THEMIS: variants seen among roughly 807,000 people sequenced by gnomAD.
The protein encoded by THEMIS is protein THEMIS.
A neutral mutation model predicts 52.6 loss-of-function variants in THEMIS; 37 were observed. The ratio of observed to expected loss-of-function variants is 0.70; its 90% confidence interval spans 0.54 to 0.93. The LOEUF is 0.93. Ranked by LOEUF, THEMIS falls within the 40% of genes least tolerant of loss-of-function variation. The pLI is 0.00. For synonymous variants in THEMIS, 292 were observed against 272.7 expected, an observed-to-expected ratio of 1.07 and a Z score of -0.70; for missense variants, 808 against 763.1, an observed-to-expected ratio of 1.06 and a Z score of -0.69.
At chr6:127,787,967 CAG>C (rs1446351589) in intron 4 of THEMIS, among the ~76,000 whole-genome samples, 1 of 151,774 alleles carries the variant, frequency 6.6e-6, no homozygotes, top group African/African-American at 2.4e-5. Context: ...GATTAGAAAA[CAG>C]ATAGTTGAAT....
intron 1 of THEMIS, among the ~76,000 whole-genome samples, chr6:127,876,661 G>A (rs1780322092): frequency 6.6e-6 from 1 of 152,132 alleles, no homozygotes; most frequent in Non-Finnish European, 1.5e-5. Flanking sequence ...AGCAGGTAAA[G>A]GAAAGTCAGG....
chr6:127,896,302 G>A (rs754456677), intron 1 of THEMIS, among the ~76,000 whole-genome samples: 29 of 150,016 alleles, frequency 1.9e-4, no homozygotes, highest in Non-Finnish European at 3.7e-4. Context: ...CAATGCAAAT[G>A]TACACATAAC....
chr6:127,703,148 C>A (rs1483779215), downstream of THEMIS, among the ~76,000 whole-genome samples: 1 of 145,114 alleles, frequency 6.9e-6, no homozygotes. Flanking sequence ...CCCGGGTTCA[C>A]GCCATTCTCC....
intron 4 of THEMIS, among the ~76,000 whole-genome samples, chr6:127,749,659 T>A (rs1267467672): frequency 4.6e-5 from 7 of 151,684 alleles, no homozygotes; most frequent in African/African-American, 1.7e-4. Flanking sequence ...AAGACCCCAA[T>A]TAAATAATCT....
chr6:127,832,332 A>C (rs1361876463), intron 2 of THEMIS, among the ~76,000 whole-genome samples: 1 of 152,218 alleles, frequency 6.6e-6, no homozygotes, highest in Non-Finnish European at 1.5e-5. Flanking sequence ...AAGATGATGA[A>C]GTACACAGTT....
chr6:127,877,095 A>T (rs1423361575), intron 1 of THEMIS, among the ~76,000 whole-genome samples: 5 of 152,318 alleles, frequency 3.3e-5, no homozygotes, highest in Admixed American at 3.3e-4. Context: ...ATGTGTTGCT[A>T]AAAACTGCTA....
At chr6:127,831,265 G>A (rs1427297910) in intron 2 of THEMIS, among the ~76,000 whole-genome samples, 1 of 151,982 alleles carries the variant, frequency 6.6e-6, no homozygotes, top group Non-Finnish European at 1.5e-5. Context: ...ATGTCTAAGT[G>A]GTTCTGTTTG....
intron 2 of THEMIS, among the ~76,000 whole-genome samples, chr6:127,850,651 CAT>C (rs1256489588): frequency 6.6e-6 from 1 of 151,704 alleles, no homozygotes; most frequent in South Asian, 2.1e-4. Flanking sequence ...AACAAAATAT[CAT>C]ATTTTCTCAC....
intron 4 of THEMIS, among the ~76,000 whole-genome samples, chr6:127,800,305 C>T (rs1402061582): frequency 6.6e-6 from 1 of 151,248 alleles, no homozygotes; most frequent in Non-Finnish European, 1.5e-5. Flanking sequence ...TGGACTTCCT[C>T]AGAAAAAAAA....
At chr6:127,716,057 C>G (rs1235163409) in intron 5 of THEMIS, among the ~76,000 whole-genome samples, 2 of 151,778 alleles carry the variant, frequency 1.3e-5, no homozygotes, top group Non-Finnish European at 2.9e-5. Context: ...AGCAGTGACA[C>G]AGATTTAGTG....
At chr6:127,865,999 A>G (rs1339338225) in intron 1 of THEMIS, among the ~76,000 whole-genome samples, 1 of 152,124 alleles carries the variant, frequency 6.6e-6, no homozygotes, top group African/African-American at 2.4e-5. Context: ...TTTGTAACAG[A>G]ATGGAATCCT....
intron 1 of THEMIS, among the ~76,000 whole-genome samples, chr6:127,892,196 T>C (rs1780833407): frequency 6.6e-6 from 1 of 152,162 alleles, no homozygotes; most frequent in South Asian, 2.1e-4. Context: ...CCCAATTCCT[T>C]GCCTTCAGCA....
intron 1 of THEMIS, among the ~76,000 whole-genome samples, chr6:127,865,976 A>G (rs1287471632): frequency 6.6e-6 from 1 of 152,096 alleles, no homozygotes; most frequent in Admixed American, 6.6e-5. Flanking sequence ...GTTCTTTTCA[A>G]TAAGGTTAAT....
the THEMIS span, among the ~76,000 whole-genome samples, chr6:127,700,378 A>AC: frequency 2.6e-5 from 4 of 151,898 alleles, no homozygotes; most frequent in African/African-American, 9.7e-5. Flanking sequence ...ACAAAAACAA[A>AC]AAAAAAATTA....
At chr6:127,856,887 G>A (rs962051196) in intron 1 of THEMIS, among the ~76,000 whole-genome samples, 5 of 151,786 alleles carry the variant, frequency 3.3e-5, no homozygotes, top group African/African-American at 1.2e-4. Flanking sequence ...TCCTCATTTG[G>A]CAATTAATCA....
At chr6:127,911,529 T>C (rs1193346158) in intron 1 of THEMIS, among the ~76,000 whole-genome samples, 1 of 151,334 alleles carries the variant, frequency 6.6e-6, no homozygotes, top group Non-Finnish European at 1.5e-5. Flanking sequence ...TTGTTTCAGC[T>C]TTGATCACTG....
chr6:127,851,150 G>T (rs763562528), intron 2 of THEMIS, among the ~76,000 whole-genome samples: 1 of 151,272 alleles, frequency 6.6e-6, no homozygotes. Context: ...AAACACCTAT[G>T]GGTCACCTTA....
chr6:127,908,466 G>A lies in THEMIS; in HGVS notation c.-149-7385C>T, dbSNP rs187228367. Among the ~76,000 whole-genome samples, 6 of 152,238 alleles carry A rather than the reference G, an allele frequency of 3.9e-5. No individual in the cohort carries two copies. In the East Asian group the frequency reaches 5.8e-4, roughly 15 times the overall value. On this transcript the variant is annotated intron_variant, in intron 1 of 6. Transcript: ENST00000368250. ...ACTTGACTCAACTGAGTCGATCTGC[G>A]TATTTTTTTACACGCAGTTCTGCCT...
At chr6:127,788,966 A>G (rs969428127) in intron 4 of THEMIS, among the ~76,000 whole-genome samples, 8 of 152,340 alleles carry the variant, frequency 5.3e-5, no homozygotes, top group African/African-American at 1.7e-4. Flanking sequence ...CACAATTAAA[A>G]GAACTAGAGA....
Sources: gnomAD v4.1 joint callset for allele counts (sites outside exome capture counted in the v4.1 genomes callset) on GRCh38, gnomAD v4.1.1 for gene constraint, MANE v1.5 for transcripts, NCBI Gene and HGNC (gene_info 2026-07-23, HGNC 2026-07-21) for gene names.